The following THSD7B variants were observed in gnomAD, a reference collection of about 807,000 sequenced individuals.
The protein encoded by THSD7B is thrombospondin type-1 domain-containing protein 7B.
In THSD7B, 138 loss-of-function variants were observed where a neutral mutation model predicts 213.6. The ratio of observed to expected loss-of-function variants is 0.65; its 90% CI spans 0.56 to 0.74. THSD7B has a LOEUF of 0.74. Among genes scored for constraint, THSD7B ranks in the 30% least tolerant of loss-of-function variants. THSD7B has a pLI of 0.00. For missense variants in THSD7B, 1,931 were observed against 1,991.5 expected, an observed-to-expected ratio of 0.97 and a Z score of 0.58; for synonymous variants, 742 against 687.0, an observed-to-expected ratio of 1.08 and a Z score of -1.25.
chr2:137,450,781 T>C lies in THSD7B; in HGVS notation c.2960-64T>C, dbSNP rs1687633751. The C allele has an allele frequency of 4.1e-6, 5 of 1,231,826 alleles. No homozygotes were observed. In the South Asian group the frequency reaches 8.6e-5, roughly 21 times the overall value. The allele number at this position is 1,231,826 out of a possible 1,614,324, so 76.3% of individuals were successfully genotyped here. On this transcript the variant is annotated intron_variant, in intron 14 of 27. Transcript: ENST00000409968. ...AAAATCCAAACTGTGATCATGGAAA[T>C]AGAAAGTGAATTTGATCAGTACATT...
At chr2:137,203,873 T>C (rs1680928317) in intron 7 of THSD7B, among the ~76,000 whole-genome samples, 1 of 152,136 alleles carries the variant, frequency 6.6e-6, no homozygotes. Flanking sequence ...TGAACTTTGC[T>C]CTCAGAGAAC....
At chr2:137,523,498 T>TC (rs1680224248) in intron 15 of THSD7B, among the ~76,000 whole-genome samples, 1 of 152,244 alleles carries the variant, frequency 6.6e-6, no homozygotes, top group Non-Finnish European at 1.5e-5. Context: ...AATGTCATTT[T>TC]CAAACTATGC....
intron 2 of THSD7B, among the ~76,000 whole-genome samples, chr2:136,942,777 A>G (rs973050169): frequency 1.3e-5 from 2 of 152,352 alleles, no homozygotes; most frequent in East Asian, 1.9e-4. Context: ...TTCTAAATGT[A>G]CAATCATGTC....
intron 15 of THSD7B, among the ~76,000 whole-genome samples, chr2:137,478,144 G>C (rs960969220): frequency 6.6e-6 from 1 of 151,944 alleles, no homozygotes; most frequent in Admixed American, 6.6e-5. Context: ...TCTTAGACTT[G>C]GGAAGTTTTC....
rs1683480955 is a variant in THSD7B, at chr2:137,667,875, A to G, written c.4739+14A>G. ...CTACCTTGTTTGGTAAGTACTAATTAGTAAAAAGTTTATGTTCCGTATTTT... is the reference window on the plus strand; with the variant it reads ...CTACCTTGTTTGGTAAGTACTAATTGGTAAAAAGTTTATGTTCCGTATTTT... On this transcript the variant is annotated intron_variant, in intron 27 of 27. Coordinates refer to ENST00000409968, the MANE Select transcript of THSD7B (RefSeq NM_001316349.2). The G allele has an allele frequency of 6.4e-7, 1 of 1,554,626 alleles. No individual in the cohort carries two copies. Among genetic ancestry groups the G allele is most frequent in the Middle Eastern group, 1.7e-4 (1 of 5,922 alleles).
At chr2:137,228,158 T>TTTTTTTC (rs10624718) in intron 7 of THSD7B, among the ~76,000 whole-genome samples, 3 of 149,130 alleles carry the variant, frequency 2.0e-5, no homozygotes, top group Non-Finnish European at 4.5e-5. Flanking sequence ...TTTTTTTTTT[T>TTTTTTTC]TCAAGATTTC....
Position 137,325,475 on chromosome 2 carries a change from G to A in THSD7B, c.2500+49449G>A, listed in dbSNP as rs191275114. 1.4e-3 allele frequency among the ~76,000 whole-genome samples: 211 copies of A among 152,200 alleles called. 1 individual carries two copies. The highest frequency in any genetic ancestry group is 4.8e-3 in the African/African-American group (201 of 41,522). Reference sequence around the variant, plus strand: ...CCTTTCATGTATTGGTTGCCTGACCGTGGTGGAATTATTTATCCTTCATCA... The same window carrying A: ...CCTTTCATGTATTGGTTGCCTGACCATGGTGGAATTATTTATCCTTCATCA... On this transcript the variant is annotated intron_variant, in intron 12 of 27. Coordinates refer to ENST00000409968, the MANE Select transcript of THSD7B (RefSeq NM_001316349.2).
At chr2:137,345,705 C>T (rs986370177) in intron 12 of THSD7B, among the ~76,000 whole-genome samples, 1 of 151,314 alleles carries the variant, frequency 6.6e-6, no homozygotes, top group Non-Finnish European at 1.5e-5. Context: ...TTTTTAGACT[C>T]TAACCTAGAT....
chr2:136,837,109 C>T (rs1682855923), intron 1 of THSD7B, among the ~76,000 whole-genome samples: 1 of 152,242 alleles, frequency 6.6e-6, no homozygotes, highest in South Asian at 2.1e-4. Flanking sequence ...TGTGTCCACT[C>T]TTAACCTGGC....
chr2:137,148,045 G>A (rs1163082564), intron 5 of THSD7B, among the ~76,000 whole-genome samples: 1 of 152,090 alleles, frequency 6.6e-6, no homozygotes, highest in Non-Finnish European at 1.5e-5. Context: ...ATCTTGAATT[G>A]TAGTTCCCAT....
At chr2:137,395,293 G>A (rs1355052114) in intron 12 of THSD7B, among the ~76,000 whole-genome samples, 1 of 147,820 alleles carries the variant, frequency 6.8e-6, no homozygotes, top group East Asian at 1.9e-4. Flanking sequence ...GATATTGGCT[G>A]TGGGTTTGTC....
intron 2 of THSD7B, among the ~76,000 whole-genome samples, chr2:136,956,452 G>C (rs1037424943): frequency 6.6e-6 from 1 of 151,500 alleles, no homozygotes; most frequent in African/African-American, 2.4e-5. Flanking sequence ...GTATAGCAAA[G>C]TGTTCTCCCA....
intron 1 of THSD7B, among the ~76,000 whole-genome samples, chr2:136,811,427 C>CCT (rs1320520553): frequency 6.6e-6 from 1 of 151,992 alleles, no homozygotes; most frequent in Non-Finnish European, 1.5e-5. Flanking sequence ...GATGCTCTGC[C>CCT]CTCCACCTTC....
At chr2:137,080,698 C>CT (rs578239705) in intron 3 of THSD7B, among the ~76,000 whole-genome samples, 1 of 151,706 alleles carries the variant, frequency 6.6e-6, no homozygotes, top group East Asian at 1.9e-4. Flanking sequence ...CATTTTCTCT[C>CT]TCTTCTTCTT....
rs910001476 is a variant in THSD7B at position 137,526,291 on chromosome 2, T to C, written c.3139-36930T>C. On this transcript the variant is annotated intron_variant, in intron 15 of 27. Transcript: ENST00000409968. ...CATGACTTATTATATTAAGTCCATT[T>C]ATTAATATTTGTAAGATATGGTGCT... Among the ~76,000 whole-genome samples the C allele has an allele frequency of 2.0e-5, 3 of 152,298 alleles. No homozygotes were observed. In the East Asian group the frequency reaches 5.8e-4, roughly 29 times the overall value.
intron 15 of THSD7B, among the ~76,000 whole-genome samples, chr2:137,551,004 AAAATAAAT>A (rs1047803863): frequency 1.3e-5 from 2 of 151,852 alleles, no homozygotes; most frequent in East Asian, 1.9e-4. Context: ...TTAAAATATT[AAAATAAAT>A]AAATAAATAA....
intron 5 of THSD7B, among the ~76,000 whole-genome samples, chr2:137,144,926 G>T (rs943686642): frequency 1.3e-5 from 2 of 151,962 alleles, no homozygotes; most frequent in African/African-American, 4.8e-5. Context: ...TGTTGATCTT[G>T]AAAAAGTGAT....
intron 13 of THSD7B, among the ~76,000 whole-genome samples, chr2:137,407,315 GT>G (rs1686547729): frequency 6.6e-6 from 1 of 151,992 alleles, no homozygotes; most frequent in South Asian, 2.1e-4. Flanking sequence ...CTAAAAGACT[GT>G]TTGAAATTTC....
At chr2:137,434,431 A>G (rs1405456661) in intron 14 of THSD7B, among the ~76,000 whole-genome samples, 3 of 152,214 alleles carry the variant, frequency 2.0e-5, no homozygotes, top group African/African-American at 7.2e-5. Flanking sequence ...TGTCAGAATC[A>G]GGCACTAACA....
Sources: gnomAD v4.1 joint callset for allele counts (sites outside exome capture counted in the v4.1 genomes callset) on GRCh38, gnomAD v4.1.1 for gene constraint, MANE v1.5 for transcripts, NCBI Gene and HGNC (gene_info 2026-07-23, HGNC 2026-07-21) for gene names.